MCU: variants seen among roughly 807,000 people sequenced by gnomAD.
MCU encodes mitochondrial calcium uniporter.
In MCU, 12 loss-of-function variants were observed where a neutral mutation model predicts 45.2. That is an observed-to-expected ratio of 0.27 (90% CI 0.17 to 0.43). The LOEUF (loss-of-function observed/expected upper bound fraction) is 0.43. MCU is among the 20% of genes least tolerant of loss of function. MCU has a pLI of 1.00. For synonymous variants in MCU, 160 were observed against 165.1 expected (o/e 0.97, Z 0.24); for missense variants, 324 against 436.7 (o/e 0.74, Z 2.30).
intron 6 of MCU, among the ~76,000 whole-genome samples, chr10:72,881,656 T>G (rs1446739365): frequency 6.6e-6 from 1 of 152,236 alleles, no homozygotes; most frequent in African/African-American, 2.4e-5. Context: ...TATAAACAAA[T>G]TCTACAAATC....
At position 72,726,330 on chromosome 10, in the gene MCU, A is replaced by T. The variant is rs115205841; in HGVS notation, c.150+34029A>T. Reference sequence around the variant, plus strand: ...GGATCATATTTGCATTCTTTCCTGTATTTTGTTTTTCTCACATAGTAATAA... The same window carrying T: ...GGATCATATTTGCATTCTTTCCTGTTTTTTGTTTTTCTCACATAGTAATAA... On this transcript the variant is annotated intron_variant, in intron 1 of 7. Transcript: ENST00000373053. 4.7e-3 allele frequency among the ~76,000 whole-genome samples: 712 copies of T among 150,706 alleles called. 3 individuals are homozygous for T. The highest frequency in any genetic ancestry group is 0.017 in the African/African-American group (683 of 40,940).
intron 1 of MCU, among the ~76,000 whole-genome samples, chr10:72,736,063 G>A (rs1843248542): frequency 6.6e-6 from 1 of 152,060 alleles, no homozygotes; most frequent in Non-Finnish European, 1.5e-5. Context: ...TTCTCGTTTT[G>A]CAAATCAACA....
At chr10:72,802,983 C>T (rs1160980211) in intron 1 of MCU, among the ~76,000 whole-genome samples, 7 of 152,154 alleles carry the variant, frequency 4.6e-5, no homozygotes, top group South Asian at 2.1e-4. Flanking sequence ...TCTTATTTCA[C>T]GTATTACTCA....
intron 1 of MCU, among the ~76,000 whole-genome samples, chr10:72,736,968 T>C (rs1310771986): frequency 6.6e-6 from 1 of 152,220 alleles, no homozygotes; most frequent in Admixed American, 6.5e-5. Flanking sequence ...TAAAAAAAGT[T>C]TATGTAAGAC....
At chr10:72,709,843 G>A (rs1842867893) in intron 1 of MCU, among the ~76,000 whole-genome samples, 1 of 152,148 alleles carries the variant, frequency 6.6e-6, no homozygotes, top group Non-Finnish European at 1.5e-5. Flanking sequence ...TTAATGGACA[G>A]CTGAACTCCA....
At chr10:72,767,581 C>G (rs887396445) in intron 1 of MCU, among the ~76,000 whole-genome samples, 1 of 152,012 alleles carries the variant, frequency 6.6e-6, no homozygotes, top group African/African-American at 2.4e-5. Context: ...CCCCTGGGCT[C>G]AAGTGATCCT....
intron 1 of MCU, among the ~76,000 whole-genome samples, chr10:72,773,177 A>G (rs1843837963): frequency 6.6e-6 from 1 of 152,164 alleles, no homozygotes; most frequent in Admixed American, 6.5e-5. Context: ...GATTATAGGC[A>G]TGAGCCACCA....
chr10:72,746,110 C>T (rs1341547531), intron 1 of MCU, among the ~76,000 whole-genome samples: 1 of 152,108 alleles, frequency 6.6e-6, no homozygotes, highest in Non-Finnish European at 1.5e-5. Flanking sequence ...CTCATTTATT[C>T]ACTCAACAAA....
intron 2 of MCU, among the ~76,000 whole-genome samples, chr10:72,841,918 A>G (rs192231645): frequency 1.3e-5 from 2 of 152,262 alleles, no homozygotes; most frequent in African/African-American, 2.4e-5. Context: ...AGATTAGTAC[A>G]GGAGGAGTTT....
intron 1 of MCU, among the ~76,000 whole-genome samples, chr10:72,704,831 C>G (rs1466388634): frequency 6.6e-6 from 1 of 150,492 alleles, no homozygotes; most frequent in Admixed American, 6.7e-5. Context: ...AGCAGTTCTC[C>G]TACCTCAGCC....
intron 1 of MCU, among the ~76,000 whole-genome samples, chr10:72,775,041 CT>C (rs1843869695): frequency 6.6e-6 from 1 of 152,038 alleles, no homozygotes; most frequent in African/African-American, 2.4e-5. Context: ...CACACTAGAT[CT>C]AATAGACTTG....
intron 1 of MCU, among the ~76,000 whole-genome samples, chr10:72,743,035 GGAGA>G (rs369440946): frequency 8.2e-5 from 12 of 147,078 alleles, no homozygotes; most frequent in Middle Eastern, 3.4e-3. Flanking sequence ...AGGGTGAGGG[GGAGA>G]GAGAGAGAGA....
chr10:72,880,620 A>G (rs1319256775), intron 6 of MCU, among the ~76,000 whole-genome samples: 1 of 152,228 alleles, frequency 6.6e-6, no homozygotes, highest in Non-Finnish European at 1.5e-5. Flanking sequence ...ATTGGGGAAG[A>G]GATTTGAATA....
At chr10:72,723,835 C>T (rs776299577) in intron 1 of MCU, among the ~76,000 whole-genome samples, 16 of 152,280 alleles carry the variant, frequency 1.1e-4, no homozygotes, top group Non-Finnish European at 2.1e-4. Context: ...TGTTGCTCTG[C>T]AGATAGAATA....
chr10:72,826,956 ATTAT>A (rs1232075022), intron 1 of MCU, among the ~76,000 whole-genome samples: 2 of 152,162 alleles, frequency 1.3e-5, no homozygotes, highest in African/African-American at 4.8e-5. Context: ...TATTGTTGTA[ATTAT>A]TCTATTTTAT....
intron 2 of MCU, among the ~76,000 whole-genome samples, chr10:72,850,707 T>C (rs181330933): frequency 6.6e-6 from 1 of 152,356 alleles, no homozygotes; most frequent in East Asian, 1.9e-4. Flanking sequence ...TTTTGGTTTT[T>C]ATGCCTAAAT....
chr10:72,796,696 T>G (rs367823551), intron 1 of MCU, among the ~76,000 whole-genome samples: 3 of 147,434 alleles, frequency 2.0e-5, no homozygotes, highest in South Asian at 4.2e-4. Flanking sequence ...AGTTTTTGTT[T>G]TTTTTTTTTT....
intron 1 of MCU, among the ~76,000 whole-genome samples, chr10:72,834,109 G>A (rs1039593742): frequency 1.3e-5 from 2 of 152,144 alleles, no homozygotes; most frequent in Admixed American, 6.5e-5. Context: ...AATGTAACAT[G>A]TATACTTGTG....
At chr10:72,753,836 G>A (rs1285526074) in intron 1 of MCU, among the ~76,000 whole-genome samples, 1 of 151,938 alleles carries the variant, frequency 6.6e-6, no homozygotes. Context: ...CTGTGATCAC[G>A]CCACTGCACT....
Sources: allele counts gnomAD v4.1 joint callset (sites outside exome capture counted in the v4.1 genomes callset), GRCh38; gene constraint gnomAD v4.1.1; transcripts MANE v1.5; gene names NCBI Gene and HGNC (gene_info 2026-07-23, HGNC 2026-07-21).